ZNF783: variants seen among roughly 807,000 people sequenced by gnomAD.
ZNF783 encodes the protein protein ZNF783.
ZNF783 carries 25 observed loss-of-function variants against 31.3 expected under a neutral mutation model. The ratio of observed to expected loss-of-function variants is 0.80; its 90% CI spans 0.58 to 1.11. The LOEUF (loss-of-function observed/expected upper bound fraction) is 1.11. Among genes scored for constraint, ZNF783 ranks in the 50% most tolerant of loss-of-function variants. ZNF783 has a pLI of 0.00. For synonymous variants in ZNF783, 369 were observed against 319.1 expected (o/e 1.16, Z -1.66); for missense variants, 797 against 760.0 (o/e 1.05, Z -0.57).
chr7:149,266,270 T>A, intron 1 of ZNF783, 65 bp from the exon 2 acceptor site: 1 of 1,448,548 alleles, frequency 6.9e-7, no homozygotes, highest in South Asian at 1.5e-5. Context: ...CGAAGTGTGT[T>A]TTTGAGGTGG....
intron 5 of ZNF783, 108 bp downstream of exon 5, chr7:149,278,635 G>A (rs544360165): frequency 1.3e-6 from 2 of 1,520,262 alleles, no homozygotes; most frequent in South Asian, 2.5e-5. Context: ...CTGGGAGAGA[G>A]GGCTGGGAGA....
intron 4 of ZNF783, among the ~76,000 whole-genome samples, chr7:149,274,357 T>TC (rs1245376718): frequency 2.7e-5 from 4 of 150,802 alleles, no homozygotes; most frequent in African/African-American, 9.8e-5. Flanking sequence ...CTTTTTTTTT[T>TC]CCTTTTCTTT....
rs936450329 is a variant in ZNF783, at chr7:149,282,412, T to C, written c.*69T>C. 7.8e-7 allele frequency: 1 copy of C among 1,288,458 alleles called. No individual in the cohort carries two copies. The highest frequency in any genetic ancestry group is 1.0e-6 in the Non-Finnish European group (1 of 969,776). 79.8% of individuals were successfully genotyped at this position (1,288,458 alleles called of 1,614,324 possible). A position where few individuals can be genotyped will look rare whatever the true frequency, so the allele number is the denominator to read the frequency against. ...TGTGCCTGACGCAGGTTCTTCCTTTTCCTGGGATGGAGAGAGGTTTGTTGT... is the reference window on the plus strand; with the variant it reads ...TGTGCCTGACGCAGGTTCTTCCTTTCCCTGGGATGGAGAGAGGTTTGTTGT... On this transcript the variant is annotated 3_prime_UTR_variant, in exon 6 of 6. Coordinates refer to ENST00000434415, the MANE Select transcript of ZNF783 (RefSeq NM_001195220.2).
At chr7:149,266,304 T>G in intron 1 of ZNF783, 31 bp from the exon 2 acceptor site, 1 of 1,506,458 alleles carries the variant, frequency 6.6e-7, no homozygotes, top group Non-Finnish European at 8.8e-7. Context: ...ATAATTCTCA[T>G]AACATCTCTC....
At chr7:149,281,152 G>A (rs1036327158) in intron 5 of ZNF783, among the ~76,000 whole-genome samples, 1 of 152,212 alleles carries the variant, frequency 6.6e-6, no homozygotes, top group Non-Finnish European at 1.5e-5. Flanking sequence ...ACTCTTGGGG[G>A]TGGGGTCCTG....
chr7:149,268,565 C>A (rs1797141055), intron 4 of ZNF783, among the ~76,000 whole-genome samples: 1 of 152,158 alleles, frequency 6.6e-6, no homozygotes, highest in Non-Finnish European at 1.5e-5. Flanking sequence ...AGGTAGTGAG[C>A]ATAGTACCCA....
At chr7:149,280,056 C>T (rs867469224) in intron 5 of ZNF783, among the ~76,000 whole-genome samples, 13 of 151,514 alleles carry the variant, frequency 8.6e-5, no homozygotes, top group African/African-American at 2.4e-4. Flanking sequence ...CGGGCAGAGG[C>T]GCCCCTCACC....
rs572745501 is a variant in ZNF783, at chr7:149,280,869, C to T, written c.803-636C>T. Among the ~76,000 whole-genome samples, 3 of 152,374 alleles carry T rather than the reference C, an allele frequency of 2.0e-5. No individual in the cohort carries two copies. The South Asian group carries it at 6.2e-4, about 32-fold the overall frequency. On this transcript the variant is annotated intron_variant, in intron 5 of 5. Transcript: ENST00000434415. ...GTTGTCCTTGTCACTGCTGTCCCAG[C>T]AGCTCCTTGCCTCCACCCAACCTGG...
intron 1 of ZNF783, 52 bp from the exon 2 acceptor site, chr7:149,266,283 G>A: frequency 6.8e-7 from 1 of 1,462,888 alleles, no homozygotes; most frequent in South Asian, 1.4e-5. Flanking sequence ...TGAGGTGGAA[G>A]TTTTGATTGT....
chr7:149,266,993 T>C (rs745589629), intron 3 of ZNF783, 48 bp downstream of exon 3: 1 of 1,613,786 alleles, frequency 6.2e-7, no homozygotes, highest in East Asian at 2.2e-5. Flanking sequence ...AGGTTGTCTG[T>C]GGACAGTCTG....
chr7:149,274,247 A>G (rs1797272569), intron 4 of ZNF783, among the ~76,000 whole-genome samples: 1 of 152,084 alleles, frequency 6.6e-6, no homozygotes, highest in African/African-American at 2.4e-5. Context: ...ATTTCTGTAT[A>G]TGATGAGAGA....
chr7:149,277,723 A>G, intron 4 of ZNF783: 1 of 147,626 alleles, frequency 6.8e-6, no homozygotes, highest in African/African-American at 2.5e-5. Context: ...TGGGCAACAG[A>G]GCGAGACTCC....
chr7:149,270,133 G>A (rs1585611873), intron 4 of ZNF783, among the ~76,000 whole-genome samples: 1 of 152,128 alleles, frequency 6.6e-6, no homozygotes, highest in Non-Finnish European at 1.5e-5. Flanking sequence ...ATAAACATAC[G>A]TATGCATGTG....
chr7:149,267,578 A>T (rs1214126340), intron 4 of ZNF783, among the ~76,000 whole-genome samples: 2 of 152,084 alleles, frequency 1.3e-5, no homozygotes, highest in Non-Finnish European at 2.9e-5. Flanking sequence ...CGGGCGGATC[A>T]TGAGGTCAGG....
At chr7:149,263,288 GTGTGTGTGTGTGTGTGTATATATATATA>G (rs1796983820) in intron 1 of ZNF783, among the ~76,000 whole-genome samples, 1 of 110,100 alleles carries the variant, frequency 9.1e-6, no homozygotes, top group African/African-American at 4.4e-5. Context: ...GTGTGTGTGT[GTGTGTGTGTGTGTGTGTATATATATATA>G]TATATATATT....
At chr7:149,264,440 C>G (rs538994228) in intron 1 of ZNF783, among the ~76,000 whole-genome samples, 11 of 152,218 alleles carry the variant, frequency 7.2e-5, no homozygotes, top group African/African-American at 2.6e-4. Context: ...GGCTGGAGCA[C>G]GACAGGAACT....
At chr7:149,266,247 C>T in intron 1 of ZNF783, 88 bp from the exon 2 acceptor site, 1 of 1,409,190 alleles carries the variant, frequency 7.1e-7, no homozygotes, top group Admixed American at 2.8e-5. Flanking sequence ...TTTACCATGG[C>T]AGGTGTCATT....
At position 149,281,876 on chromosome 7, in the gene ZNF783, G is replaced by C. The variant is rs768696843; in HGVS notation, c.1174G>C (p.Ala392Pro). ...GCCCACCAGCTGCGGGGACAGCCAG[G>C]CCATGCTGGAGCCGGGGGAGGTGGT... ...RSPTSCGDSQAMLEPGEVVVP... is the reference protein window; with the variant it reads ...RSPTSCGDSQPMLEPGEVVVP... The change falls in exon 6 of 6, where the codon GCC becomes CCC. Residue 392 changes from alanine to proline, a missense_variant. Transcript: ENST00000434415. The C allele has an allele frequency of 2.7e-6, 4 of 1,508,350 alleles. No individual in the cohort carries two copies. In the African/African-American group the frequency reaches 5.6e-5, roughly 21 times the overall value. 93.4% of individuals were successfully genotyped at this position (1,508,350 alleles called of 1,614,324 possible).
intron 4 of ZNF783, chr7:149,275,676 C>T (rs1241621119): frequency 6.6e-6 from 1 of 152,308 alleles, no homozygotes; most frequent in Non-Finnish European, 1.5e-5. Flanking sequence ...CCTGTGCTTC[C>T]CTTTATTCAT....
Sources: gnomAD v4.1 joint callset for allele counts (sites outside exome capture counted in the v4.1 genomes callset) on GRCh38, gnomAD v4.1.1 for gene constraint, MANE v1.5 for transcripts, NCBI Gene and HGNC (gene_info 2026-07-23, HGNC 2026-07-21) for gene names.